The following EOGT variants were observed in gnomAD, a reference collection of about 807,000 sequenced individuals.
The protein encoded by EOGT is EGF domain-specific O-linked N-acetylglucosamine transferase.
A neutral mutation model predicts 70.5 loss-of-function variants in EOGT; 55 were observed. That is an observed-to-expected ratio of 0.78 (90% CI 0.63 to 0.98). EOGT has a LOEUF of 0.98. Among genes scored for constraint, EOGT ranks in the 50% least tolerant of loss-of-function variants. The probability of loss-of-function intolerance (pLI) is 0.00; values close to 1 mark genes in which losing one functional copy is unlikely to be tolerated. For synonymous variants in EOGT, 246 were observed against 217.1 expected (o/e 1.13, Z -1.17); for missense variants, 703 against 641.9 (o/e 1.10, Z -1.03).
chr3:69,006,826 G>A (rs1479834629), intron 6 of EOGT, among the ~76,000 whole-genome samples: 1 of 152,176 alleles, frequency 6.6e-6, no homozygotes, highest in Non-Finnish European at 1.5e-5. Flanking sequence ...AAAAAAACCT[G>A]CATTTTAATC....
intron 6 of EOGT, 25 bp downstream of exon 6, chr3:69,007,688 A>G: frequency 7.1e-7 from 1 of 1,410,438 alleles, no homozygotes; most frequent in Middle Eastern, 1.8e-4. Flanking sequence ...AAACAAGTTT[A>G]TTTAGTAAGG....
chr3:68,996,410 C>T (rs2091148251), intron 10 of EOGT, among the ~76,000 whole-genome samples: 1 of 152,180 alleles, frequency 6.6e-6, no homozygotes, highest in African/African-American at 2.4e-5. Flanking sequence ...ATGAGGACAG[C>T]TTGTGTCAAC....
At position 68,998,092 on chromosome 3, in the gene EOGT, G is replaced by T; in HGVS notation, c.750C>A (p.Phe250Leu). The change falls in exon 10 of 18, where the codon TTC becomes TTA. Residue 250 changes from phenylalanine (F) to leucine (L), a missense_variant. Physicochemically the swap from Phe to Leu is conservative, Grantham distance 22 (BLOSUM62 0). Coordinates refer to ENST00000383701, the MANE Select transcript of EOGT (RefSeq NM_001278689.2). ...TAATATAAAGATTGATGAAATCACA[G>T]AAGTGGTGATACATGTTAACACCTA... ...LDAGVNMYHH[F>L]CDFINLYITQ... 6.3e-7 allele frequency: 1 copy of T among 1,594,720 alleles called. No homozygotes were observed. The highest frequency in any genetic ancestry group is 8.6e-7 in the Non-Finnish European group (1 of 1,167,358).
At chr3:69,003,450 T>TA (rs1411592896) in intron 8 of EOGT, among the ~76,000 whole-genome samples, 5 of 152,102 alleles carry the variant, frequency 3.3e-5, no homozygotes, top group African/African-American at 1.2e-4. Context: ...GATAGTTTTA[T>TA]AAAGGGCAGT....
At chr3:69,009,921 CAA>C in intron 3 of EOGT, 61 bp from the exon 4 acceptor site, 21 of 568,686 alleles carry the variant, frequency 3.7e-5, no homozygotes, top group Non-Finnish European at 5.0e-5. Context: ...AAAACAACAA[CAA>C]CAACAACAAC....
rs1428953183 is a variant in EOGT, at chr3:68,977,737, G to T, written c.1465C>A (p.Pro489Thr). 1 of 1,613,116 alleles carries T rather than the reference G, an allele frequency of 6.2e-7. No homozygotes were observed. Among genetic ancestry groups the T allele is most frequent in the Non-Finnish European group, 8.5e-7 (1 of 1,179,654 alleles). The change falls in exon 18 of 18, where the codon CCG becomes ACG. Residue 489 changes from proline to threonine, a missense_variant. Physicochemically the swap from Pro to Thr is conservative, Grantham distance 38. Transcript: ENST00000383701. ...TCGAAAGAGTAGTTGGTGAACTTCG[G>T]GTGCTCCCCCAGGGTTGGATGGTGG... ...KGHHPTLGEH[P>T]KFTNYSFDVE...
chr3:69,000,219 T>A (rs910379915), intron 9 of EOGT, among the ~76,000 whole-genome samples: 1 of 152,114 alleles, frequency 6.6e-6, no homozygotes, highest in African/African-American at 2.4e-5. Context: ...GAGCAAGACC[T>A]GTCTCTAAAG....
chr3:68,988,199 G>T, intron 13 of EOGT, 96 bp downstream of exon 13: 3 of 859,554 alleles, frequency 3.5e-6, no homozygotes, highest in Non-Finnish European at 5.4e-6. Context: ...ACAAAAACAT[G>T]GTCTCCTGAT....
chr3:68,979,719 G>T lies in EOGT; in HGVS notation c.1283C>A (p.Ala428Asp), dbSNP rs768358444. The T allele has an allele frequency of 2.9e-5, 46 of 1,613,720 alleles. No individual in the cohort carries two copies. The highest frequency in any genetic ancestry group is 3.5e-5 in the Non-Finnish European group (41 of 1,179,808). ...NTDIFIGMHG[A>D]GLTHLLFLPD... ...AAGGAAAAGTAAATGGGTCAGACCA[G>T]CTCCATGCATTCCAATAAATATGTC... The change falls in exon 16 of 18, where the codon GCT becomes GAT. Residue 428 changes from alanine to aspartate, a missense_variant. Physicochemically the swap from Ala to Asp is moderately radical, Grantham distance 126. Coordinates refer to ENST00000383701, the MANE Select transcript of EOGT (RefSeq NM_001278689.2).
chr3:69,011,319 T>C (rs1476726898), intron 3 of EOGT, among the ~76,000 whole-genome samples: 2 of 151,382 alleles, frequency 1.3e-5, no homozygotes, highest in African/African-American at 4.8e-5. Flanking sequence ...TCAGTCTTCA[T>C]TGATTATGGG....
chr3:69,006,190 T>C (rs977688618), intron 6 of EOGT, among the ~76,000 whole-genome samples: 1 of 151,858 alleles, frequency 6.6e-6, no homozygotes, highest in East Asian at 1.9e-4. Flanking sequence ...AAGATAGGGG[T>C]TGTCATTATT....
At chr3:68,991,122 C>A (rs746715884) in intron 10 of EOGT, among the ~76,000 whole-genome samples, 2 of 152,222 alleles carry the variant, frequency 1.3e-5, no homozygotes, top group Non-Finnish European at 2.9e-5. Flanking sequence ...GTAATCCTGA[C>A]TGATCCTTCC....
intron 3 of EOGT, among the ~76,000 whole-genome samples, chr3:69,011,031 C>A (rs930201645): frequency 1.3e-5 from 2 of 152,052 alleles, no homozygotes; most frequent in Admixed American, 1.3e-4. Context: ...TGCCCTTAAG[C>A]TCTCCCATCA....
chr3:69,001,125 T>A (rs1234728107), intron 9 of EOGT, among the ~76,000 whole-genome samples: 4 of 151,906 alleles, frequency 2.6e-5, no homozygotes, highest in Non-Finnish European at 5.9e-5. Flanking sequence ...CCCAGCTAAT[T>A]TTTTGTGTTT....
intron 7 of EOGT, 48 bp downstream of exon 7, chr3:69,005,092 A>C: frequency 8.8e-7 from 1 of 1,141,912 alleles, no homozygotes; most frequent in Non-Finnish European, 1.3e-6. Flanking sequence ...CTGGATCTGA[A>C]AATATTTCAG....
chr3:69,007,261 T>A (rs2091458996), intron 6 of EOGT, among the ~76,000 whole-genome samples: 1 of 152,180 alleles, frequency 6.6e-6, no homozygotes, highest in South Asian at 2.1e-4. Context: ...TGCCAATAAC[T>A]AAGTGAGAGT....
chr3:69,002,008 G>A (rs1016905857), intron 8 of EOGT, among the ~76,000 whole-genome samples: 1 of 152,150 alleles, frequency 6.6e-6, no homozygotes, highest in Admixed American at 6.5e-5. Flanking sequence ...TGGTCAACAC[G>A]GTGAAACCCC....
intron 10 of EOGT, among the ~76,000 whole-genome samples, chr3:68,992,926 T>G (rs2091037415): frequency 6.6e-6 from 1 of 152,104 alleles, no homozygotes. Context: ...GTACATTGGC[T>G]CCTTTCAGCC....
chr3:69,008,263 A>G (rs2091487754), intron 5 of EOGT, among the ~76,000 whole-genome samples, 165 bp downstream of exon 5: 1 of 152,238 alleles, frequency 6.6e-6, no homozygotes, highest in East Asian at 1.9e-4. Flanking sequence ...AGATATTCCT[A>G]TCCCAGTATG....
Sources: allele counts gnomAD v4.1 joint callset (sites outside exome capture counted in the v4.1 genomes callset), GRCh38; gene constraint gnomAD v4.1.1; transcripts MANE v1.5; gene names NCBI Gene and HGNC (gene_info 2026-07-23, HGNC 2026-07-21).